The following CAPN8 variants were observed in gnomAD, a reference collection of about 807,000 sequenced individuals.
CAPN8 encodes the protein calpain 8.
CAPN8 carries 87 observed loss-of-function variants against 80.9 expected under a neutral mutation model. That is an observed-to-expected ratio of 1.07 (90% CI 0.90 to 1.28). The LOEUF is 1.28. Ranked by LOEUF, CAPN8 falls within the 50% of genes most tolerant of loss-of-function variation. The probability of loss-of-function intolerance (pLI) is 0.00; values close to 1 mark genes in which losing one functional copy is unlikely to be tolerated. For synonymous variants in CAPN8, 299 were observed against 273.8 expected (o/e 1.09, Z -0.91); for missense variants, 757 against 702.0 (o/e 1.08, Z -0.89).
chr1:223,551,631 C>T (rs369246455), intron 14 of CAPN8, among the ~76,000 whole-genome samples: 25 of 152,330 alleles, frequency 1.6e-4, no homozygotes, highest in African/African-American at 5.8e-4. Flanking sequence ...GTAACAGGAA[C>T]AGCAGTGATA....
At chr1:223,620,679 G>A (rs1657361587) in intron 7 of CAPN8, among the ~76,000 whole-genome samples, 1 of 152,100 alleles carries the variant, frequency 6.6e-6, no homozygotes, top group Admixed American at 6.5e-5. Flanking sequence ...TATCACTCTG[G>A]CTTATCCAGC....
chr1:223,665,281 TG>T, intron 1 of CAPN8, 128 bp downstream of exon 1: 1 of 703,542 alleles, frequency 1.4e-6, no homozygotes, highest in Non-Finnish European at 2.4e-6. Context: ...AAGGTGGTGG[TG>T]GAGGGATCTG....
At chr1:223,657,990 A>G (rs1261111381) in intron 1 of CAPN8, among the ~76,000 whole-genome samples, 1 of 151,902 alleles carries the variant, frequency 6.6e-6, no homozygotes, top group Admixed American at 6.6e-5. Flanking sequence ...CTCTCTGAGC[A>G]TTTCTCCTCA....
chr1:223,633,307 G>A (rs771752970), intron 2 of CAPN8, among the ~76,000 whole-genome samples: 3 of 151,966 alleles, frequency 2.0e-5, no homozygotes, highest in Non-Finnish European at 4.4e-5. Flanking sequence ...CATTGCACTG[G>A]GTTGAATCTA....
chr1:223,648,683 G>A (rs1658258667), intron 2 of CAPN8, among the ~76,000 whole-genome samples: 1 of 152,156 alleles, frequency 6.6e-6, no homozygotes, highest in Admixed American at 6.5e-5. Context: ...TGCCTTTAGA[G>A]ACATATGAAA....
At position 223,654,359 on chromosome 1, in the gene CAPN8, G is replaced by T; in HGVS notation, c.278C>A (p.Thr93Lys). 3.9e-6 allele frequency: 6 copies of T among 1,551,658 alleles called. No homozygotes were observed. Among genetic ancestry groups the T allele is most frequent in the Non-Finnish European group, 4.4e-6 (5 of 1,146,992 alleles). The change falls in exon 2 of 21, where the codon ACG becomes AAG. Residue 93 changes from threonine (T) to lysine (K), a missense_variant. Coordinates refer to ENST00000366872, the MANE Select transcript of CAPN8 (RefSeq NM_001143962.2). ...PSPQFIVGGA[T>K]RTDICQGGLG... ...ACCACCCTGACAAATGTCTGTGCGCGTGGCTCCACCAACGATAAACTGAGG... is the reference window on the plus strand; with the variant it reads ...ACCACCCTGACAAATGTCTGTGCGCTTGGCTCCACCAACGATAAACTGAGG...
Position 223,616,066 on chromosome 1 carries a change from G to C in CAPN8, c.1215C>G (p.Pro405=), listed in dbSNP as rs1424306310. 2 of 1,552,226 alleles carry C rather than the reference G, an allele frequency of 1.3e-6. No individual in the cohort carries two copies. Among genetic ancestry groups the C allele is most frequent in the Admixed American group, 3.9e-5 (2 of 51,018 alleles). ...TCAGGCCCAGCAGCACTGTACAGCAGGGTTCACCGATGCTCTCCTCCTGGT... is the reference window on the plus strand; with the variant it reads ...TCAGGCCCAGCAGCACTGTACAGCACGGTTCACCGATGCTCTCCTCCTGGT... ...DEDQEESIGE[P]CCTVLLGLMQ... The change falls in exon 10 of 21, where the codon CCC becomes CCG. Residue 405 remains proline, a synonymous_variant. Coordinates refer to ENST00000366872, the MANE Select transcript of CAPN8 (RefSeq NM_001143962.2).
At chr1:223,631,219 C>T (rs1657764286) in intron 2 of CAPN8, among the ~76,000 whole-genome samples, 1 of 151,984 alleles carries the variant, frequency 6.6e-6, no homozygotes, top group African/African-American at 2.4e-5. Flanking sequence ...ATGAAGCTTT[C>T]TCTGATACCG....
At chr1:223,553,938 C>T (rs953254558) in intron 13 of CAPN8, 38 bp from the exon 14 acceptor site, 251 of 398,568 alleles carry the variant, frequency 6.3e-4, no homozygotes, top group African/African-American at 4.4e-3. Context: ...AAATGGGAAT[C>T]GTCAAGGAGA....
At chr1:223,638,332 C>T (rs1657963621) in intron 2 of CAPN8, among the ~76,000 whole-genome samples, 1 of 151,942 alleles carries the variant, frequency 6.6e-6, no homozygotes, top group East Asian at 1.9e-4. Context: ...AACCAGTACC[C>T]CACAGATACC....
In CAPN8 at chr1:223,544,062, CTCACTGAA is replaced by C; in HGVS notation, c.2026_2029+4del. 1.4e-6 allele frequency: 1 copy of C among 717,878 alleles called. No individual in the cohort carries two copies. Among genetic ancestry groups the C allele is most frequent in the South Asian group, 1.5e-5 (1 of 67,600 alleles). The allele number at this position is 717,878 out of a possible 1,614,324, so 44.5% of individuals were successfully genotyped here. A position where few individuals can be genotyped will look rare whatever the true frequency, so the allele number is the denominator to read the frequency against. On this transcript the variant is annotated splice_donor_variant and splice_donor_region_variant and coding_sequence_variant and intron_variant, in exon 19 of 21. Transcript: ENST00000366872. LOFTEE classifies it high-confidence loss of function. ...AGGATGGGGCTGGAGGACAGAGTGA[CTCACTGAA>C]GAGGGTCTCCAGGCGGATCATACAA...
chr1:223,612,396 G>T, intron 10 of CAPN8, 139 bp from the exon 11 acceptor site: 1 of 657,866 alleles, frequency 1.5e-6, no homozygotes, highest in Non-Finnish European at 2.1e-6. Context: ...AAAGTGAGAA[G>T]CCAGTCAGCA....
chr1:223,629,706 A>G (rs973075706), intron 2 of CAPN8, among the ~76,000 whole-genome samples: 1 of 152,206 alleles, frequency 6.6e-6, no homozygotes, highest in African/African-American at 2.4e-5. Flanking sequence ...CCAGCTGCTG[A>G]GGTCTCAGTG....
At chr1:223,616,208 A>C in intron 9 of CAPN8, 63 bp from the exon 10 acceptor site, 1 of 1,479,112 alleles carries the variant, frequency 6.8e-7, no homozygotes, top group Non-Finnish European at 9.0e-7. Context: ...AGAAGAATAA[A>C]GTAAAAGGGA....
At chr1:223,637,567 G>C (rs888550231) in intron 2 of CAPN8, among the ~76,000 whole-genome samples, 3 of 152,046 alleles carry the variant, frequency 2.0e-5, no homozygotes, top group African/African-American at 7.2e-5. Context: ...TTAAGTTCCC[G>C]TCCTCTTAGA....
intron 11 of CAPN8, among the ~76,000 whole-genome samples, chr1:223,611,318 GC>G (rs1265444334): frequency 1.3e-5 from 2 of 152,240 alleles, no homozygotes; most frequent in African/African-American, 4.8e-5. Context: ...CCACCAGTGT[GC>G]CCTATCAGTT....
chr1:223,619,394 G>C lies in CAPN8; in HGVS notation c.1034C>G (p.Pro345Arg). Residue 345 changes from proline to arginine, a missense_variant, in exon 9 of 21, where the codon CCG becomes CGG. By Grantham distance (103) the Pro-to-Arg change is moderately radical. Coordinates refer to ENST00000366872, the MANE Select transcript of CAPN8 (RefSeq NM_001143962.2). ...FSRLEICNLS[P>R]DSLSSEEVHK... is the part of the protein sequence containing the mutation. ...CACCTCCTCGCTACTCAGAGAGTCCGGGGACAGGTTGCAGATCTCCAACCG... is the reference window on the plus strand; with the variant it reads ...CACCTCCTCGCTACTCAGAGAGTCCCGGGACAGGTTGCAGATCTCCAACCG... 1 of 1,551,624 alleles carries C rather than the reference G, an allele frequency of 6.4e-7. No individual in the cohort carries two copies. The highest frequency in any genetic ancestry group is 1.2e-5 in the South Asian group (1 of 84,060).
chr1:223,654,311 A>T lies in CAPN8; in HGVS notation c.307+19T>A, dbSNP rs1465426190. 2 of 1,549,736 alleles carry T rather than the reference A, an allele frequency of 1.3e-6. No individual in the cohort carries two copies. The highest frequency in any genetic ancestry group is 1.7e-6 in the Non-Finnish European group (2 of 1,145,934). On this transcript the variant is annotated intron_variant, in intron 2 of 20. Coordinates refer to ENST00000366872, the MANE Select transcript of CAPN8 (RefSeq NM_001143962.2). ...CCCGCCCTCTCCCAAAACAAATAAG[A>T]CTCTCCCCAGTTACTCACCTAGACC...
intron 2 of CAPN8, chr1:223,642,913 A>T: frequency 1.1e-5 from 5 of 439,172 alleles, no homozygotes; most frequent in South Asian, 8.2e-5. Flanking sequence ...TTTAAATCAG[A>T]CCTTTAATGC....
Sources: allele counts gnomAD v4.1 joint callset (sites outside exome capture counted in the v4.1 genomes callset), GRCh38; gene constraint gnomAD v4.1.1; transcripts MANE v1.5; gene names NCBI Gene and HGNC (gene_info 2026-07-23, HGNC 2026-07-21).